KLHL22: variants seen among roughly 807,000 people sequenced by gnomAD.
The protein encoded by KLHL22 is kelch-like protein 22.
A neutral mutation model predicts 60.7 loss-of-function variants in KLHL22; 18 were observed. That is an observed-to-expected ratio of 0.30 (90% CI 0.20 to 0.44). The LOEUF is 0.44. Ranked by LOEUF, KLHL22 falls within the 20% of genes least tolerant of loss-of-function variation. The pLI, the probability that KLHL22 is intolerant of heterozygous loss-of-function variation, is 1.00. For missense variants in KLHL22, 596 were observed against 852.3 expected (o/e 0.70, Z 3.74); for synonymous variants, 355 against 354.5 (o/e 1.00, Z -0.01).
intron 3 of KLHL22, among the ~76,000 whole-genome samples, chr22:20,467,362 C>T (rs1192781722): frequency 6.6e-6 from 1 of 152,230 alleles, no homozygotes; most frequent in African/African-American, 2.4e-5. Flanking sequence ...TGGGTAAAGC[C>T]TCTCTTTTCC....
At chr22:20,442,563 G>T in intron 6 of KLHL22, 125 bp from the exon 7 acceptor site, 9 of 1,177,358 alleles carry the variant, frequency 7.6e-6, no homozygotes, top group Non-Finnish European at 1.0e-5. Context: ...CCCCCTGGAA[G>T]GATGGCACAG....
At chr22:20,486,309 T>C (rs529771303) in intron 2 of KLHL22, among the ~76,000 whole-genome samples, 1 of 152,288 alleles carries the variant, frequency 6.6e-6, no homozygotes, top group Non-Finnish European at 1.5e-5. Context: ...ATCTTCATGG[T>C]TGGGATCATC....
chr22:20,450,885 G>T (rs1294410009), intron 5 of KLHL22: 9 of 1,612,386 alleles, frequency 5.6e-6, no homozygotes, highest in African/African-American at 4.0e-5. Flanking sequence ...ATGAAGCAAA[G>T]AAGTTTCATC....
intron 1 of KLHL22, chr22:20,491,354 C>T (rs2053686417): frequency 6.6e-6 from 1 of 152,332 alleles, no homozygotes; most frequent in South Asian, 2.1e-4. Flanking sequence ...TCTCCCCTCT[C>T]CGGAGGTTGA....
Position 20,454,505 on chromosome 22 carries a change from T to C in KLHL22, c.1305+3303A>G, listed in dbSNP as rs2053032201. Among the ~76,000 whole-genome samples the C allele has an allele frequency of 1.3e-5, 2 of 152,164 alleles. 1 individual carries two copies. Among genetic ancestry groups the C allele is most frequent in the South Asian group, 4.1e-4 (2 of 4,830 alleles). On this transcript the variant is annotated intron_variant, in intron 5 of 6. Coordinates refer to ENST00000328879, the MANE Select transcript of KLHL22 (RefSeq NM_032775.4). ...TTGTTCCCTACTGTGCATGTGGAGC[T>C]GCATAAGCTTTCTTTGTAAAGCTAT...
Position 20,464,888 on chromosome 22 carries a change from T to C in KLHL22, c.1082A>G (p.Gln361Arg). Residue 361 changes from glutamine (Q) to arginine (R), a missense_variant, in exon 4 of 7, where the codon CAA becomes CGA. Transcript: ENST00000328879. ...VYLIGGDNNVQGFRAESRCWR... is the reference protein window; with the variant it reads ...VYLIGGDNNVRGFRAESRCWR... Reference sequence around the variant, plus strand: ...GCATCGGGACTCTGCTCGAAATCCTTGGACATTGTTGTCCCCTCCAATCAA... The same window carrying C: ...GCATCGGGACTCTGCTCGAAATCCTCGGACATTGTTGTCCCCTCCAATCAA... 6.5e-7 allele frequency: 1 copy of C among 1,546,394 alleles called. No individual in the cohort carries two copies. Among genetic ancestry groups the C allele is most frequent in the Non-Finnish European group, 8.7e-7 (1 of 1,146,560 alleles).
intron 5 of KLHL22, chr22:20,450,409 T>C (rs1210445354): frequency 2.7e-6 from 4 of 1,494,528 alleles, no homozygotes; most frequent in Non-Finnish European, 3.7e-6. Context: ...AAACAGTACA[T>C]GTGACATGGA....
chr22:20,471,991 A>T (rs1322455029), intron 2 of KLHL22, among the ~76,000 whole-genome samples: 1 of 152,250 alleles, frequency 6.6e-6, no homozygotes, highest in Admixed American at 6.5e-5. Flanking sequence ...TCACACCTGT[A>T]ATCCCAGCAC....
rs953113767 is a variant in KLHL22 at position 20,461,225 on chromosome 22, G to A, written c.1113-3225C>T. ...TGTAAACTCAGACATGAACCCTAGA[G>A]TTGGTACAAAAATATTCTGGAATTC... On this transcript the variant is annotated intron_variant, in intron 4 of 6. Transcript: ENST00000328879. 2.6e-5 allele frequency among the ~76,000 whole-genome samples: 4 copies of A among 152,172 alleles called. No homozygotes were observed. The East Asian group carries it at 7.7e-4, about 29-fold the overall frequency.
At position 20,442,218 on chromosome 22, in the gene KLHL22, G is replaced by A. The variant is rs780611828; in HGVS notation, c.1760C>T (p.Ala587Val). 58 of 1,604,670 alleles carry A rather than the reference G, an allele frequency of 3.6e-5. No individual in the cohort carries two copies. Among genetic ancestry groups the A allele is most frequent in the Non-Finnish European group, 4.5e-5 (53 of 1,174,598 alleles). Reference sequence around the variant, plus strand: ...GCGGGGCAGGGTGAGCACACAGGCCGCCAGGCCTGAGATGGAGTTGTCCAG... The same window carrying A: ...GCGGGGCAGGGTGAGCACACAGGCCACCAGGCCTGAGATGGAGTTGTCCAG... ...PQLDNSISGLAACVLTLPRSL... is the reference protein window; with the variant it reads ...PQLDNSISGLVACVLTLPRSL... Residue 587 changes from alanine to valine, a missense_variant, in exon 7 of 7, where the codon GCG becomes GTG. Transcript: ENST00000328879.
chr22:20,455,563 T>C (rs1000944961), intron 5 of KLHL22, among the ~76,000 whole-genome samples: 39 of 152,276 alleles, frequency 2.6e-4, no homozygotes, highest in African/African-American at 8.2e-4. Context: ...CTCTGAGACA[T>C]GTTAACCACA....
intron 3 of KLHL22, among the ~76,000 whole-genome samples, chr22:20,469,187 T>C (rs2053276968): frequency 6.6e-6 from 1 of 151,972 alleles, no homozygotes; most frequent in African/African-American, 2.4e-5. Flanking sequence ...AACATACAGA[T>C]GGAGGCCAGG....
At chr22:20,451,142 G>A (rs906937753) in intron 5 of KLHL22, 3 of 1,561,536 alleles carry the variant, frequency 1.9e-6, no homozygotes, top group African/African-American at 2.7e-5. Context: ...GGTCGTTCCA[G>A]CCTTAGTTCA....
chr22:20,478,571 G>C (rs1233036530), intron 2 of KLHL22, among the ~76,000 whole-genome samples: 1 of 130,338 alleles, frequency 7.7e-6, no homozygotes, highest in African/African-American at 2.9e-5. Flanking sequence ...CTGGAGTGCA[G>C]TGGCATGATC....
intron 5 of KLHL22, among the ~76,000 whole-genome samples, chr22:20,448,863 A>G (rs2052925645): frequency 6.6e-6 from 1 of 152,142 alleles, no homozygotes; most frequent in South Asian, 2.1e-4. Flanking sequence ...CTGCACAGTC[A>G]CCAGTATTTC....
chr22:20,482,276 CTGCAGATATGCTATATAGACACGTA>C (rs1410332558), intron 2 of KLHL22: 1 of 152,690 alleles, frequency 6.5e-6, no homozygotes, highest in Non-Finnish European at 1.5e-5. Context: ...CTCACCATGT[CTGCAGATATGCTATATAGACACGTA>C]TGCAGATATG....
At chr22:20,478,508 C>CTTTTTTTTTTTTT (rs1196419660) in intron 2 of KLHL22, among the ~76,000 whole-genome samples, 1 of 67,676 alleles carries the variant, frequency 1.5e-5, no homozygotes, top group Non-Finnish European at 2.8e-5. Context: ...AAACTTAATT[C>CTTTTTTTTTTTTT]TTTTTTTTTT....
At chr22:20,460,555 G>C (rs2053135218) in intron 4 of KLHL22, among the ~76,000 whole-genome samples, 1 of 131,220 alleles carries the variant, frequency 7.6e-6, no homozygotes, top group South Asian at 2.6e-4. Context: ...GTTGCAGTGA[G>C]CTGAGATCAT....
At chr22:20,448,911 A>C (rs570329857) in intron 5 of KLHL22, among the ~76,000 whole-genome samples, 1 of 152,310 alleles carries the variant, frequency 6.6e-6, no homozygotes, top group South Asian at 2.1e-4. Flanking sequence ...ATCCTGAGGT[A>C]GTTCTCTCAC....
Sources: allele counts gnomAD v4.1 joint callset (sites outside exome capture counted in the v4.1 genomes callset), GRCh38; gene constraint gnomAD v4.1.1; transcripts MANE v1.5; gene names NCBI Gene and HGNC (gene_info 2026-07-23, HGNC 2026-07-21).